The following PDE1A variants were observed in gnomAD, a reference collection of about 807,000 sequenced individuals.
The protein encoded by PDE1A is phosphodiesterase 1A, also known as dual specificity calcium/calmodulin-dependent 3',5'-cyclic nucleotide phosphodiesterase 1A.
A neutral mutation model predicts 61.7 loss-of-function variants in PDE1A; 35 were observed. The ratio of observed to expected loss-of-function variants is 0.57; its 90% CI spans 0.43 to 0.75. The LOEUF (loss-of-function observed/expected upper bound fraction) is 0.75. PDE1A is among the 30% of genes least tolerant of loss of function. PDE1A has a pLI of 0.00. For missense variants in PDE1A, 597 were observed against 630.6 expected (o/e 0.95, Z 0.57); for synonymous variants, 232 against 213.2 (o/e 1.09, Z -0.77).
At chr2:182,531,104 C>T in the PDE1A span, among the ~76,000 whole-genome samples, 1 of 150,888 alleles carries the variant, frequency 6.6e-6, no homozygotes, top group African/African-American at 2.4e-5. Flanking sequence ...TCAAAAGGAA[C>T]TATCAAAAAT....
At chr2:182,409,427 G>C (rs903083652) in intron 1 of PDE1A, among the ~76,000 whole-genome samples, 1 of 152,192 alleles carries the variant, frequency 6.6e-6, no homozygotes, top group South Asian at 2.1e-4. Flanking sequence ...CTATTAGGTA[G>C]GAGGTACTGT....
At chr2:182,577,778 G>A in the PDE1A span, among the ~76,000 whole-genome samples, 9 of 152,160 alleles carry the variant, frequency 5.9e-5, no homozygotes, top group Non-Finnish European at 1.3e-4. Context: ...AAATTAGCTA[G>A]GTGTGGTGGC....
At chr2:182,573,807 T>G in the PDE1A span, among the ~76,000 whole-genome samples, 1 of 148,180 alleles carries the variant, frequency 6.7e-6, no homozygotes, top group African/African-American at 2.5e-5. Flanking sequence ...TCTAGTAATA[T>G]CAATCGGGGT....
the PDE1A span, among the ~76,000 whole-genome samples, chr2:182,659,496 A>T: frequency 2.6e-5 from 4 of 152,220 alleles, no homozygotes; most frequent in Non-Finnish European, 4.4e-5. Context: ...CATTCTTTGA[A>T]ATGAGTTCAG....
chr2:182,237,865 A>C (rs1199905787), intron 3 of PDE1A, among the ~76,000 whole-genome samples: 2 of 152,182 alleles, frequency 1.3e-5, no homozygotes, highest in Non-Finnish European at 2.9e-5. Context: ...AGGCTGGTAT[A>C]GGTGTTCAGT....
intron 8 of PDE1A, among the ~76,000 whole-genome samples, chr2:182,204,713 A>G (rs1686953516): frequency 6.6e-6 from 1 of 152,232 alleles, no homozygotes; most frequent in Non-Finnish European, 1.5e-5. Context: ...CTTCCTATCC[A>G]GAGTGGGCTA....
intron 2 of PDE1A, among the ~76,000 whole-genome samples, chr2:182,483,361 C>G (rs1247119773): frequency 6.6e-6 from 1 of 151,754 alleles, no homozygotes; most frequent in Non-Finnish European, 1.5e-5. Context: ...CCCAACAAAG[C>G]GAAATACACA....
At chr2:182,202,113 T>C (rs980472760) in intron 8 of PDE1A, among the ~76,000 whole-genome samples, 11 of 152,224 alleles carry the variant, frequency 7.2e-5, no homozygotes, top group Admixed American at 1.3e-4. Context: ...AAAGGAACTT[T>C]AGCCATTTTA....
intron 7 of PDE1A, among the ~76,000 whole-genome samples, chr2:182,223,145 G>T (rs1483387684): frequency 1.3e-5 from 2 of 151,972 alleles, no homozygotes; most frequent in African/African-American, 4.8e-5. Context: ...AGACACTGGG[G>T]TGCATGTGCT....
At chr2:182,448,829 G>A (rs1219989659) in intron 2 of PDE1A, among the ~76,000 whole-genome samples, 1 of 151,880 alleles carries the variant, frequency 6.6e-6, no homozygotes. Context: ...CATAAGTTAT[G>A]GTGTTGGTGT....
At chr2:182,423,390 T>C (rs1703402432) in intron 1 of PDE1A, among the ~76,000 whole-genome samples, 1 of 152,148 alleles carries the variant, frequency 6.6e-6, no homozygotes, top group Non-Finnish European at 1.5e-5. Flanking sequence ...ATCTAAATGA[T>C]ACGTAAGATT....
intron 1 of PDE1A, among the ~76,000 whole-genome samples, chr2:182,389,866 T>C (rs1701322578): frequency 6.6e-6 from 1 of 152,144 alleles, no homozygotes; most frequent in African/African-American, 2.4e-5. Context: ...TTCCAGCCTT[T>C]ATCTTTCTTC....
At chr2:182,569,286 G>A in the PDE1A span, among the ~76,000 whole-genome samples, 2 of 133,376 alleles carry the variant, frequency 1.5e-5, no homozygotes, top group African/African-American at 3.1e-5. Context: ...TGTATTTCCT[G>A]TTGTAATAAA....
At chr2:182,141,441 A>G (rs1340430432) in exon 15 of PDE1A, 9 of 152,218 alleles carry the variant, frequency 5.9e-5, no homozygotes, top group Non-Finnish European at 7.4e-5. Flanking sequence ...CTTACATTTA[A>G]AAGATCAATT....
chr2:182,517,727 A>C (rs1048754838), intron 2 of PDE1A, among the ~76,000 whole-genome samples: 3 of 152,200 alleles, frequency 2.0e-5, no homozygotes, highest in African/African-American at 7.2e-5. Context: ...TTTTAACAGG[A>C]TATCTATCAG....
chr2:182,599,793 A>T, the PDE1A span, among the ~76,000 whole-genome samples: 1 of 152,188 alleles, frequency 6.6e-6, no homozygotes, highest in Non-Finnish European at 1.5e-5. Flanking sequence ...CCAAGCACAT[A>T]TCCCTGTGCT....
chr2:182,579,468 G>A, the PDE1A span, among the ~76,000 whole-genome samples: 1 of 152,302 alleles, frequency 6.6e-6, no homozygotes, highest in East Asian at 1.9e-4. Flanking sequence ...TCATAGCAAA[G>A]CAGCGAGACA....
the PDE1A span, among the ~76,000 whole-genome samples, chr2:182,715,323 C>A: frequency 6.6e-6 from 1 of 152,170 alleles, no homozygotes; most frequent in African/African-American, 2.4e-5. Flanking sequence ...GTTCCTGAGA[C>A]ATATTAACTA....
intron 3 of PDE1A, 107 bp from the exon 4 acceptor site, chr2:182,234,605 T>A (rs1047255305): frequency 1.4e-6 from 1 of 693,416 alleles, no homozygotes; most frequent in Non-Finnish European, 2.5e-6. Flanking sequence ...TCACCTCTTA[T>A]CATTAGTTAC....
Sources: allele counts gnomAD v4.1 joint callset (sites outside exome capture counted in the v4.1 genomes callset), GRCh38; gene constraint gnomAD v4.1.1; transcripts MANE v1.5; gene names NCBI Gene and HGNC (gene_info 2026-07-23, HGNC 2026-07-21).